The following ADGRA3 variants were observed in gnomAD, a reference collection of about 807,000 sequenced individuals.
The protein encoded by ADGRA3 is adhesion G protein-coupled receptor A3.
ADGRA3 carries 56 observed loss-of-function variants against 119.8 expected under a neutral mutation model. That is an observed-to-expected ratio of 0.47 (90% confidence interval 0.38 to 0.58). The LOEUF is 0.58. ADGRA3 is among the 20% of genes least tolerant of loss of function. The pLI, the probability that ADGRA3 is intolerant of heterozygous loss-of-function variation, is 0.00. For missense variants in ADGRA3, 1,516 were observed against 1,649.0 expected, an observed-to-expected ratio of 0.92 and a Z score of 1.40; for synonymous variants, 607 against 623.8, an observed-to-expected ratio of 0.97 and a Z score of 0.40.
At chr4:22,450,949 AAAAT>A (rs1235596589) in intron 4 of ADGRA3, among the ~76,000 whole-genome samples, 4,157 of 133,028 alleles carry the variant, frequency 0.031, 62 homozygotes, top group African/African-American at 0.073. Flanking sequence ...AAAAAAAAAA[AAAAT>A]ATATATATAT....
At chr4:22,390,148 A>T (rs1482580622) in intron 17 of ADGRA3, among the ~76,000 whole-genome samples, 3 of 151,546 alleles carry the variant, frequency 2.0e-5, no homozygotes, top group Non-Finnish European at 4.4e-5. Flanking sequence ...GTACTAATTC[A>T]CATCTGCTTC....
chr4:22,443,225 G>T, intron 6 of ADGRA3: 1 of 539,216 alleles, frequency 1.9e-6, no homozygotes, highest in Admixed American at 3.7e-5. Context: ...TTTGGAGACT[G>T]CAATACCTTT....
intron 1 of ADGRA3, among the ~76,000 whole-genome samples, chr4:22,504,685 T>A (rs1719176368): frequency 6.6e-6 from 1 of 151,516 alleles, no homozygotes; most frequent in African/African-American, 2.4e-5. Context: ...TACCAGCCCC[T>A]CCCTCTCACA....
intron 1 of ADGRA3, among the ~76,000 whole-genome samples, chr4:22,478,666 ATTAAG>A (rs1276217445): frequency 6.6e-6 from 1 of 152,178 alleles, no homozygotes; most frequent in Non-Finnish European, 1.5e-5. Flanking sequence ...TGTGGTTGTA[ATTAAG>A]TTAAGGTTCT....
At position 22,424,257 on chromosome 4, in the gene ADGRA3, C is replaced by G; in HGVS notation, c.1539G>C (p.Arg513Ser). 1 of 1,613,672 alleles carries G rather than the reference C, an allele frequency of 6.2e-7. No individual in the cohort carries two copies. Among genetic ancestry groups the G allele is most frequent in the African/African-American group, 1.3e-5 (1 of 75,048 alleles). ...CAATGCGCTGAAGACACTGCACAAT[C>G]CTACTGCAGGCTTTAGCTTCCCTCT... ...LAQREAKACS[R>S]IVQCLQRIAT... Residue 513 changes from arginine (R) to serine (S), a missense_variant, in exon 11 of 19, where the codon AGG (arginine) becomes AGC (serine). Arg to Ser is a moderately radical substitution (Grantham distance 110, BLOSUM62 -1). Transcript: ENST00000334304.
chr4:22,420,964 C>T lies in ADGRA3; in HGVS notation c.1731G>A (p.Arg577=). The change falls in exon 12 of 19, where the codon CGG becomes CGA. Residue 577 remains arginine, a synonymous_variant. Transcript: ENST00000334304. ...DRTGLSDYGR[R]DPEGNLDKQL... is the part of the protein sequence containing the mutation. ...GCTTATCCAGGTTTCCCTCTGGATCCCGCCTCCCATAATCCGAAAGTCCTG... is the reference window on the plus strand; with the variant it reads ...GCTTATCCAGGTTTCCCTCTGGATCTCGCCTCCCATAATCCGAAAGTCCTG... 1.9e-6 allele frequency: 3 copies of T among 1,613,936 alleles called. No individual in the cohort carries two copies. Among genetic ancestry groups the T allele is most frequent in the Non-Finnish European group, 2.5e-6 (3 of 1,179,946 alleles).
chr4:22,493,181 G>A (rs1279323173), intron 1 of ADGRA3, among the ~76,000 whole-genome samples: 1 of 152,072 alleles, frequency 6.6e-6, no homozygotes, highest in Non-Finnish European at 1.5e-5. Flanking sequence ...GCCCAGGCTG[G>A]TCCCAAACTC....
At chr4:22,442,628 C>CAA (rs374500461) in intron 7 of ADGRA3, 22 bp downstream of exon 7, 1,143 of 1,355,830 alleles carry the variant, frequency 8.4e-4, no homozygotes, top group Non-Finnish European at 9.3e-4. Context: ...ATTCTTCATT[C>CAA]AAAAAAAAAA....
chr4:22,390,434 A>T (rs1165258283), intron 17 of ADGRA3, among the ~76,000 whole-genome samples: 2 of 28,846 alleles, frequency 6.9e-5, no homozygotes, highest in South Asian at 2.0e-3. Context: ...AATACGTATT[A>T]TATATATATA....
chr4:22,400,106 G>A (rs1279165849), intron 16 of ADGRA3, among the ~76,000 whole-genome samples: 3 of 152,092 alleles, frequency 2.0e-5, no homozygotes, highest in Non-Finnish European at 2.9e-5. Context: ...TCTGCTAAAC[G>A]TTCCTATTAA....
In ADGRA3 at chr4:22,402,672, T is replaced by C. The variant is rs1714715345; in HGVS notation, c.2357+3A>G. 1 of 1,610,874 alleles carries C rather than the reference T, an allele frequency of 6.2e-7. No individual in the cohort carries two copies. Among genetic ancestry groups the C allele is most frequent in the Non-Finnish European group, 8.5e-7 (1 of 1,179,118 alleles). On this transcript the variant is annotated splice_donor_region_variant and intron_variant, in intron 15 of 18. Transcript: ENST00000334304. ...ATCTATTTTGTCGAGATGTATTTCT[T>C]ACCTGTGATGGTATATGTAACTGAC... is the stretch of plus-strand genomic sequence containing the variant.
Position 22,516,028 on chromosome 4 carries a change from G to GCCT in ADGRA3, c.-247_-245dup, listed in dbSNP as rs534558679. The stretch of plus-strand genomic sequence containing the variant: ...CGCTCTACCGCCCGGCGCGAGCACC[G>GCCT]CCTCCTCCTCCTCCTCTGCCGCCGC... On this transcript the variant is annotated 5_prime_UTR_variant, in exon 1 of 19. Coordinates refer to ENST00000334304, the MANE Select transcript of ADGRA3 (RefSeq NM_145290.4). 2.6e-3 allele frequency: 406 copies of GCCT among 157,908 alleles called. 1 individual carries two copies. The highest frequency in any genetic ancestry group is 6.4e-3 in the Middle Eastern group (2 of 312). The allele number at this position is 157,908 out of a possible 1,614,324, so 9.8% of individuals were successfully genotyped here. A position where few individuals can be genotyped will look rare whatever the true frequency, so the allele number is the denominator to read the frequency against.
rs116773130 is a variant in ADGRA3, at chr4:22,483,659, T to C, written c.258-9816A>G. 5.2e-3 allele frequency among the ~76,000 whole-genome samples: 785 copies of C among 152,346 alleles called. 8 individuals carry two copies. Among genetic ancestry groups the C allele is most frequent in the African/African-American group, 0.018 (758 of 41,578 alleles). Reference sequence around the variant, plus strand: ...GAAAAAGGAGGAAGTTAAGCATTTATCAGTGGTTGTCATTGTTGGCACACA... The same window carrying C: ...GAAAAAGGAGGAAGTTAAGCATTTACCAGTGGTTGTCATTGTTGGCACACA... On this transcript the variant is annotated intron_variant, in intron 1 of 18. Coordinates refer to ENST00000334304, the MANE Select transcript of ADGRA3 (RefSeq NM_145290.4).
At chr4:22,450,708 G>A (rs1232110634) in intron 4 of ADGRA3, among the ~76,000 whole-genome samples, 2 of 152,002 alleles carry the variant, frequency 1.3e-5, no homozygotes, top group African/African-American at 4.8e-5. Flanking sequence ...ATTTGGTAAA[G>A]GAAGGGGAAA....
intron 12 of ADGRA3, among the ~76,000 whole-genome samples, chr4:22,415,734 T>C (rs564725058): frequency 2.6e-5 from 4 of 152,032 alleles, no homozygotes; most frequent in African/African-American, 9.7e-5. Flanking sequence ...TTAAAACAAA[T>C]CATTTACATT....
rs140300654 is a variant in ADGRA3, at chr4:22,392,224, C to G, written c.2627+321G>C. 6.8e-4 allele frequency among the ~76,000 whole-genome samples: 104 copies of G among 152,300 alleles called. 1 individual carries two copies. The highest frequency in any genetic ancestry group is 2.2e-3 in the African/African-American group (92 of 41,588). ...ACATAAGACCTCAAGGAAATAAAAA[C>G]AGCTGACAGTTTCATAGAGCCGATT... On this transcript the variant is annotated intron_variant, in intron 17 of 18. Coordinates refer to ENST00000334304, the MANE Select transcript of ADGRA3 (RefSeq NM_145290.4).
chr4:22,453,971 G>A lies in ADGRA3; in HGVS notation c.473+895C>T, dbSNP rs7697611. On this transcript the variant is annotated intron_variant, in intron 4 of 18. Coordinates refer to ENST00000334304, the MANE Select transcript of ADGRA3 (RefSeq NM_145290.4). ...TGCCTCCTGGGTTCAAGCAATTCTCGTGACTCAGCCTCCCGAGTAGCTGGG... is the reference window on the plus strand; with the variant it reads ...TGCCTCCTGGGTTCAAGCAATTCTCATGACTCAGCCTCCCGAGTAGCTGGG... 2.3e-3 allele frequency among the ~76,000 whole-genome samples: 352 copies of A among 151,796 alleles called. 4 individuals are homozygous for A. Among genetic ancestry groups the A allele is most frequent in the African/African-American group, 8.1e-3 (336 of 41,380 alleles).
intron 12 of ADGRA3, chr4:22,414,153 C>T (rs1282711224): frequency 9.5e-6 from 2 of 211,070 alleles, no homozygotes; most frequent in African/African-American, 4.6e-5. Context: ...CAGGCTGTAT[C>T]AATTTTACAA....
intron 1 of ADGRA3, among the ~76,000 whole-genome samples, chr4:22,510,819 G>A (rs1719424867): frequency 6.6e-6 from 1 of 152,158 alleles, no homozygotes; most frequent in Non-Finnish European, 1.5e-5. Context: ...TGGGCTTCCT[G>A]AAGCACTGAA....
Sources: allele counts gnomAD v4.1 joint callset (sites outside exome capture counted in the v4.1 genomes callset), GRCh38; gene constraint gnomAD v4.1.1; transcripts MANE v1.5; gene names NCBI Gene and HGNC (gene_info 2026-07-23, HGNC 2026-07-21).